The following LMTK3 variants were observed in gnomAD, a reference collection of about 807,000 sequenced individuals.
LMTK3 encodes serine/threonine-protein kinase LMTK3.
LMTK3 carries 27 observed loss-of-function variants against 116.7 expected under a neutral mutation model. That is an observed-to-expected ratio of 0.23 (90% CI 0.17 to 0.32). The LOEUF is 0.32. LMTK3 is among the 10% of genes least tolerant of loss of function. LMTK3 has a pLI of 1.00. For synonymous variants in LMTK3, 965 were observed against 971.0 expected (o/e 0.99, Z 0.11); for missense variants, 1,764 against 2,068.5 (o/e 0.85, Z 2.86).
chr19:48,511,452 G>C (rs780334611), intron 1 of LMTK3, 49 bp downstream of exon 1: 2 of 834,306 alleles, frequency 2.4e-6, no homozygotes, highest in Non-Finnish European at 3.4e-6. Context: ...CAGCGAGGCC[G>C]CCGCGGGGGT....
chr19:48,497,200 G>GGA lies in LMTK3; in HGVS notation c.3676+192_3676+193insTC, dbSNP rs1245525055. On this transcript the variant is annotated intron_variant, in intron 11 of 14. Transcript: ENST00000600059. This position sits in a 1 kb window ranked among gnomAD's most constrained non-coding sequence, Gnocchi z 5.7. The stretch of plus-strand genomic sequence containing the variant: ...GCAGATGGGTAAACTGAGGCACCGT[G>GGA]CAGCAAGGACATTTGCCCAAGGCCA... Among the ~76,000 whole-genome samples the GGA allele has an allele frequency of 3.3e-5, 5 of 152,212 alleles. No individual in the cohort carries two copies. The highest frequency in any genetic ancestry group is 6.5e-5 in the Admixed American group (1 of 15,286).
At position 48,485,482 on chromosome 19, in the gene LMTK3, A is replaced by G; in HGVS notation, c.*291T>C. ...TGTCGAGGGGCTCCAGGCCCAAAAG[A>G]GTTCAGTTCAGTTCCGAGAAAGGCG... On this transcript the variant is annotated 3_prime_UTR_variant, in exon 15 of 15. Coordinates refer to ENST00000600059, the MANE Select transcript of LMTK3 (RefSeq NM_001388485.1). The G allele has an allele frequency of 5.1e-6, 2 of 396,000 alleles. No homozygotes were observed. Among genetic ancestry groups the G allele is most frequent in the Non-Finnish European group, 9.3e-6 (2 of 214,996 alleles). 24.5% of individuals were successfully genotyped at this position (396,000 alleles called of 1,614,324 possible).
At chr19:48,488,928 A>G (rs1394850711) in intron 14 of LMTK3, among the ~76,000 whole-genome samples, 1 of 152,046 alleles carries the variant, frequency 6.6e-6, no homozygotes, top group East Asian at 1.9e-4. Context: ...TAGTAGAGAC[A>G]GGGTTTCTCC....
Position 48,497,565 on chromosome 19 carries a change from G to C in LMTK3, c.3504C>G (p.Ala1168=). Residue 1168 remains alanine (A), a synonymous_variant, in exon 11 of 15, where the codon GCC becomes GCG. Transcript: ENST00000600059. This position sits in a 1 kb window ranked among gnomAD's most constrained non-coding sequence, Gnocchi z 5.7. ...PRRLEPAPPR[A]RPEVAPEGEP... ...CTCCCTCGGGGGCCACCTCCGGCCT[G>C]GCTCTCGGGGGCGCTGGCTCCAGCC... The C allele has an allele frequency of 7.4e-7, 1 of 1,351,324 alleles. No homozygotes were observed. Among genetic ancestry groups the C allele is most frequent in the Non-Finnish European group, 9.5e-7 (1 of 1,050,278 alleles). 83.7% of individuals were successfully genotyped at this position (1,351,324 alleles called of 1,614,324 possible). A position where few individuals can be genotyped will look rare whatever the true frequency, so the allele number is the denominator to read the frequency against.
Position 48,491,196 on chromosome 19 carries a change from G to C in LMTK3, c.4278C>G (p.Gly1426=). ...AGAAGCGGGAGAAGCACAGCGGGGG[G>C]CCTGGAGGGGGGAGGAGGGGGAAAT... ...AEDFPLLPPP[G]PPLCFSRFSV... is the part of the protein sequence containing the mutation. Residue 1426 remains glycine (G), a synonymous_variant, in exon 14 of 15, where the codon GGC becomes GGG. Transcript: ENST00000600059. This position sits in a 1 kb window ranked among gnomAD's most constrained non-coding sequence, Gnocchi z 5.1. 2 of 1,402,862 alleles carry C rather than the reference G, an allele frequency of 1.4e-6. No homozygotes were observed. Among genetic ancestry groups the C allele is most frequent in the Non-Finnish European group, 1.9e-6 (2 of 1,075,752 alleles). The allele number at this position is 1,402,862 out of a possible 1,614,324, so 86.9% of individuals were successfully genotyped here.
At chr19:48,488,616 C>T (rs933860993) in intron 14 of LMTK3, among the ~76,000 whole-genome samples, 7 of 152,198 alleles carry the variant, frequency 4.6e-5, no homozygotes, top group East Asian at 1.9e-4. Context: ...GTTCCTTGAG[C>T]GGGCCAAGCT....
In LMTK3 at chr19:48,503,058, C is replaced by T. The variant is rs1287224152; in HGVS notation, c.558-62G>A. 4 of 1,004,672 alleles carry T rather than the reference C, an allele frequency of 4.0e-6. No homozygotes were observed. In the East Asian group the frequency reaches 1.0e-4, roughly 25 times the overall value. The allele number at this position is 1,004,672 out of a possible 1,614,324, so 62.2% of individuals were successfully genotyped here. On this transcript the variant is annotated intron_variant, in intron 5 of 14. Coordinates refer to ENST00000600059, the MANE Select transcript of LMTK3 (RefSeq NM_001388485.1). ...CCCCTTCCTCTTCATCCTGCCCCAA[C>T]CCCCAGCAGAACCAAACTGCTGCCT...
At position 48,501,534 on chromosome 19, in the gene LMTK3, T is replaced by A; in HGVS notation, c.823A>T (p.Thr275Ser). Residue 275 changes from threonine (T) to serine (S), a missense_variant, in exon 8 of 15, where the codon ACC (threonine) becomes TCC (serine). By Grantham distance (58) the Thr-to-Ser change is moderately conservative. Around this residue, in one of 7 missense-constraint regions of LMTK3, gnomAD observed 271 missense variants for 478.2 expected, o/e 0.57. Transcript: ENST00000600059. ...SDLALRNCLL[T>S]SDLTVRIGDY... ...CCGATGCGCACGGTCAGGTCAGAGG[T>A]CAGCAGGCAGTTGCGCAGGGCCAGG... is the stretch of plus-strand genomic sequence containing the variant. The A allele has an allele frequency of 6.2e-7, 1 of 1,611,440 alleles. No individual in the cohort carries two copies. The highest frequency in any genetic ancestry group is 1.1e-5 in the South Asian group (1 of 90,746).
In LMTK3 at chr19:48,493,943, C is replaced by T. The variant is rs1972277792; in HGVS notation, c.3843G>A (p.Glu1281=). 1 of 1,038,276 alleles carries T rather than the reference C, an allele frequency of 9.6e-7. No individual in the cohort carries two copies. The highest frequency in any genetic ancestry group is 4.3e-5 in the South Asian group (1 of 23,260). 64.3% of individuals were successfully genotyped at this position (1,038,276 alleles called of 1,614,324 possible). A position where few individuals can be genotyped will look rare whatever the true frequency, so the allele number is the denominator to read the frequency against. ...PGPAEEDGED[E]DEDEEEDEEA... ...CCTCGTCCTCCTCCTCGTCCTCGTC[C>T]TCGTCCTCCCCGTCCTCCTCCGCCG... is the stretch of plus-strand genomic sequence containing the variant. The change falls in exon 12 of 15, where the codon GAG becomes GAA. Residue 1281 remains glutamate (E), a synonymous_variant. Transcript: ENST00000600059.
At chr19:48,487,841 C>T (rs1436489089) in intron 14 of LMTK3, among the ~76,000 whole-genome samples, 3 of 152,092 alleles carry the variant, frequency 2.0e-5, no homozygotes, top group East Asian at 1.9e-4. Context: ...GCTTGAGTTT[C>T]GCTCTTTTAA....
Position 48,502,944 on chromosome 19 carries a change from G to A in LMTK3, c.610C>T (p.Leu204=). 6.2e-7 allele frequency: 1 copy of A among 1,613,272 alleles called. No individual in the cohort carries two copies. The highest frequency in any genetic ancestry group is 8.5e-7 in the Non-Finnish European group (1 of 1,179,572). The change falls in exon 6 of 15, where the codon CTG becomes TTG. Residue 204 remains leucine (L), a synonymous_variant. Coordinates refer to ENST00000600059, the MANE Select transcript of LMTK3 (RefSeq NM_001388485.1). ...LQCLGLCVET[L]PFLLIMEFCQ... Reference sequence around the variant, plus strand: ...AACTCCATAATCAGCAGAAACGGCAGCGTCTCCACGCACAGACCCAGGCAC... The same window carrying A: ...AACTCCATAATCAGCAGAAACGGCAACGTCTCCACGCACAGACCCAGGCAC...
At chr19:48,493,362 C>T (rs1972260179) in intron 12 of LMTK3, among the ~76,000 whole-genome samples, 2 of 137,320 alleles carry the variant, frequency 1.5e-5, no homozygotes, top group African/African-American at 6.6e-5. Context: ...CTGGGCCCCG[C>T]CCCACTCTAG....
chr19:48,502,292 C>T lies in LMTK3; in HGVS notation c.794+141G>A. On this transcript the variant is annotated intron_variant, in intron 7 of 14. Coordinates refer to ENST00000600059, the MANE Select transcript of LMTK3 (RefSeq NM_001388485.1). ...GTCCCGCCTCCTCTCCTGGCCCCTT[C>T]TCCTCCATACCCTCCTCGGTTCGTC... 3 of 999,112 alleles carry T rather than the reference C, an allele frequency of 3.0e-6. No homozygotes were observed. In the South Asian group the frequency reaches 5.1e-5, roughly 17 times the overall value. The allele number at this position is 999,112 out of a possible 1,614,324, so 61.9% of individuals were successfully genotyped here. A position where few individuals can be genotyped will look rare whatever the true frequency, so the allele number is the denominator to read the frequency against.
At chr19:48,493,652 C>T (rs752423447) in intron 12 of LMTK3, 42 bp downstream of exon 12, 1 of 1,532,802 alleles carries the variant, frequency 6.5e-7, no homozygotes, top group South Asian at 1.2e-5. Context: ...CCTGCTCCCT[C>T]CAGGCCGCGA....
chr19:48,491,952 C>G lies in LMTK3; in HGVS notation c.4093-413G>C, dbSNP rs1601041822. 6.6e-6 allele frequency among the ~76,000 whole-genome samples: 1 copy of G among 151,928 alleles called. No individual in the cohort carries two copies. The highest frequency in any genetic ancestry group is 1.9e-4 in the East Asian group (1 of 5,164). ...CTCCCAACCCCTGCCCCATCCTGAGCGCATGCCGTGCTGGATGCTGTGACC... is the reference window on the plus strand; with the variant it reads ...CTCCCAACCCCTGCCCCATCCTGAGGGCATGCCGTGCTGGATGCTGTGACC... On this transcript the variant is annotated intron_variant, in intron 12 of 14. Transcript: ENST00000600059. This position sits in a 1 kb window ranked among gnomAD's most constrained non-coding sequence, Gnocchi z 5.1.
At chr19:48,510,298 T>A in intron 2 of LMTK3, 125 bp from the exon 3 acceptor site, 2 of 1,388,202 alleles carry the variant, frequency 1.4e-6, no homozygotes, top group Non-Finnish European at 2.0e-6. Flanking sequence ...CCAATTTCCA[T>A]CCCCCATTTC....
chr19:48,486,047 CTTTTTTTTTTTTTTTTTTT>C (rs141193575), intron 14 of LMTK3, among the ~76,000 whole-genome samples: 3 of 59,714 alleles, frequency 5.0e-5, no homozygotes, highest in Non-Finnish European at 8.8e-5. Flanking sequence ...AACATTCTTC[CTTTTTTTTTTTTTTTTTTT>C]TTTTTTTTTT....
intron 14 of LMTK3, among the ~76,000 whole-genome samples, chr19:48,487,805 T>C (rs1052467486): frequency 1.3e-5 from 2 of 152,076 alleles, no homozygotes; most frequent in Non-Finnish European, 2.9e-5. Flanking sequence ...CTGGGTCAAG[T>C]CACTGCCCTC....
chr19:48,488,447 T>C, intron 14 of LMTK3, among the ~76,000 whole-genome samples: 1 of 151,992 alleles, frequency 6.6e-6, no homozygotes, highest in East Asian at 1.9e-4. Flanking sequence ...CAGAGCAGTC[T>C]TCCTACACCC....
Sources: allele counts gnomAD v4.1 joint callset (sites outside exome capture counted in the v4.1 genomes callset), GRCh38; gene constraint gnomAD v4.1.1; regional missense constraint gnomAD v4.1.1; non-coding constraint Gnocchi (gnomAD v3.1); transcripts MANE v1.5; gene names NCBI Gene and HGNC (gene_info 2026-07-23, HGNC 2026-07-21).